PDE1C: variants seen among roughly 807,000 people sequenced by gnomAD.
PDE1C encodes the protein dual specificity calcium/calmodulin-dependent 3',5'-cyclic nucleotide phosphodiesterase 1C.
Under a neutral mutation model 93.1 loss-of-function variants are expected in PDE1C, and 62 were observed. The ratio of observed to expected loss-of-function variants is 0.67; its 90% CI spans 0.54 to 0.82. The LOEUF is 0.82. Among genes scored for constraint, PDE1C ranks in the 40% least tolerant of loss-of-function variants. PDE1C has a pLI of 0.00. For synonymous variants in PDE1C, 325 were observed against 310.1 expected (o/e 1.05, Z -0.50); for missense variants, 742 against 884.6 (o/e 0.84, Z 2.04).
At chr7:31,907,280 C>T (rs1418481591) in intron 2 of PDE1C, among the ~76,000 whole-genome samples, 2 of 152,136 alleles carry the variant, frequency 1.3e-5, no homozygotes, top group Non-Finnish European at 1.5e-5. Flanking sequence ...CTTCCCAAAA[C>T]ATGCAAGCCT....
chr7:32,288,309 G>A (rs1562652751), intron 1 of PDE1C, among the ~76,000 whole-genome samples: 1 of 152,122 alleles, frequency 6.6e-6, no homozygotes, highest in Non-Finnish European at 1.5e-5. Flanking sequence ...GTTTGGGAAA[G>A]TGCTTTACCA....
At chr7:31,980,410 A>G (rs1412212450) in intron 2 of PDE1C, among the ~76,000 whole-genome samples, 1 of 152,222 alleles carries the variant, frequency 6.6e-6, no homozygotes, top group Non-Finnish European at 1.5e-5. Flanking sequence ...TGATAAAAGT[A>G]CTTTGGATTT....
At chr7:32,413,322 T>C (rs538431468) in intron 1 of PDE1C, among the ~76,000 whole-genome samples, 1 of 152,340 alleles carries the variant, frequency 6.6e-6, no homozygotes, top group African/African-American at 2.4e-5. Flanking sequence ...TAGTAGATGA[T>C]AGGAGTGTTT....
chr7:31,723,746 G>C, the PDE1C span, among the ~76,000 whole-genome samples: 9,903 of 152,168 alleles, frequency 0.065, 382 homozygotes, highest in Non-Finnish European at 0.092. Flanking sequence ...TATTCATATC[G>C]GATAATAGGG....
chr7:32,094,188 A>G (rs1033014317), intron 3 of PDE1C, among the ~76,000 whole-genome samples: 3 of 152,228 alleles, frequency 2.0e-5, no homozygotes, highest in Non-Finnish European at 4.4e-5. Context: ...ACTGTAGCCA[A>G]TTCCAAGCTA....
the PDE1C span, among the ~76,000 whole-genome samples, chr7:31,713,703 C>A: frequency 5.1e-3 from 773 of 152,318 alleles, 6 homozygotes; most frequent in African/African-American, 0.018. Flanking sequence ...GGTGGCAGTT[C>A]CCAAACCCCA....
chr7:31,928,794 TG>T (rs1461894780), intron 2 of PDE1C, among the ~76,000 whole-genome samples: 1 of 151,834 alleles, frequency 6.6e-6, no homozygotes, highest in East Asian at 1.9e-4. Flanking sequence ...GCACTAAATA[TG>T]GAAAGGAAAA....
chr7:32,257,517 C>A (rs1192439162), intron 1 of PDE1C, among the ~76,000 whole-genome samples: 1 of 152,218 alleles, frequency 6.6e-6, no homozygotes, highest in African/African-American at 2.4e-5. Flanking sequence ...ATTGTACCTA[C>A]TTTAAAATGT....
intron 1 of PDE1C, among the ~76,000 whole-genome samples, chr7:32,324,813 G>T (rs140823677): frequency 3.9e-4 from 60 of 152,314 alleles, no homozygotes; most frequent in African/African-American, 1.4e-3. Context: ...GCTGGGTGCA[G>T]TGGTGCATGC....
At chr7:31,772,045 C>CAAAA (rs34055758) in intron 17 of PDE1C, among the ~76,000 whole-genome samples, 2 of 116,482 alleles carry the variant, frequency 1.7e-5, no homozygotes, top group Non-Finnish European at 1.8e-5. Flanking sequence ...GACTCCGTCT[C>CAAAA]AAAAAAAAAA....
the PDE1C span, among the ~76,000 whole-genome samples, chr7:31,702,920 A>T: frequency 6.6e-6 from 1 of 152,220 alleles, no homozygotes; most frequent in Non-Finnish European, 1.5e-5. Flanking sequence ...GTAGAAAAAC[A>T]AAAATATTTA....
At chr7:31,736,737 G>T in the PDE1C span, among the ~76,000 whole-genome samples, 9 of 152,190 alleles carry the variant, frequency 5.9e-5, no homozygotes, top group African/African-American at 2.2e-4. Context: ...AGATAAAAAT[G>T]TTATAGAGTT....
chr7:32,004,561 G>C (rs1186098916), intron 2 of PDE1C, among the ~76,000 whole-genome samples: 1 of 152,126 alleles, frequency 6.6e-6, no homozygotes, highest in Non-Finnish European at 1.5e-5. Context: ...TTTCCTGCTG[G>C]ATTTGAACCT....
Position 32,409,453 on chromosome 7 carries a change from C to T in PDE1C, c.310+18369G>A, listed in dbSNP as rs1458711715. ...CAAAACCTGATATAAATATTTCACA[C>T]ACAGTAAAAACTAAAGACAAATCTC... On this transcript the variant is annotated intron_variant, in intron 1 of 1. Coordinates refer to the PDE1C transcript ENST00000672256. Among the ~76,000 whole-genome samples, 3 of 152,030 alleles carry T rather than the reference C, an allele frequency of 2.0e-5. No individual in the cohort carries two copies. In the East Asian group the frequency reaches 5.8e-4, roughly 29 times the overall value.
At chr7:31,900,205 T>C (rs994478001) in intron 2 of PDE1C, among the ~76,000 whole-genome samples, 1 of 152,190 alleles carries the variant, frequency 6.6e-6, no homozygotes, top group Non-Finnish European at 1.5e-5. Context: ...ATAATTGTTT[T>C]ATAAGTCTTT....
the PDE1C span, among the ~76,000 whole-genome samples, chr7:31,678,615 G>A: frequency 1.3e-4 from 20 of 152,216 alleles, no homozygotes; most frequent in East Asian, 3.5e-3. Context: ...CAGATACTTC[G>A]ATAGTATTAT....
At chr7:32,139,239 G>T (rs972765697) in intron 3 of PDE1C, among the ~76,000 whole-genome samples, 9 of 148,680 alleles carry the variant, frequency 6.1e-5, no homozygotes, top group African/African-American at 2.2e-4. Flanking sequence ...GGGCTCAAGT[G>T]ATCCTCCCGC....
intron 2 of PDE1C, among the ~76,000 whole-genome samples, chr7:32,010,423 C>A (rs1006470295): frequency 6.6e-5 from 10 of 152,146 alleles, no homozygotes; most frequent in African/African-American, 2.4e-4. Flanking sequence ...GAGGCTGAAA[C>A]TACCGGATTT....
chr7:32,087,296 A>G (rs374145996), intron 3 of PDE1C, among the ~76,000 whole-genome samples: 17,706 of 151,332 alleles, frequency 0.12, 1,241 homozygotes, highest in Middle Eastern at 0.17. Context: ...CAAAACCACA[A>G]TGAGATACCA....
Sources: gnomAD v4.1 joint callset for allele counts (sites outside exome capture counted in the v4.1 genomes callset) on GRCh38, gnomAD v4.1.1 for gene constraint, MANE v1.5 for transcripts, NCBI Gene and HGNC (gene_info 2026-07-23, HGNC 2026-07-21) for gene names.